The following RSBN1L variants were observed in gnomAD, a reference collection of about 807,000 sequenced individuals.
RSBN1L encodes the protein round spermatid basic protein 1 like, also known as lysine-specific demethylase RSBN1L.
RSBN1L carries 30 observed loss-of-function variants against 67.7 expected under a neutral mutation model. That is an observed-to-expected ratio of 0.44 (90% CI 0.33 to 0.60). The LOEUF (loss-of-function observed/expected upper bound fraction) is 0.60, where lower values mean the gene tolerates loss of function less well. RSBN1L is among the 20% of genes least tolerant of loss of function. The pLI, the probability that RSBN1L is intolerant of heterozygous loss-of-function variation, is 0.02. For missense variants in RSBN1L, 992 were observed against 1,031.7 expected (o/e 0.96, Z 0.53); for synonymous variants, 433 against 387.0 (o/e 1.12, Z -1.39).
intron 6 of RSBN1L, among the ~76,000 whole-genome samples, chr7:77,777,584 C>G (rs1791934375): frequency 6.6e-6 from 1 of 151,740 alleles, no homozygotes; most frequent in Non-Finnish European, 1.5e-5. Flanking sequence ...TTTGATAAGT[C>G]TATGGTCAGT....
intron 1 of RSBN1L, among the ~76,000 whole-genome samples, chr7:77,710,658 C>G (rs1029813391): frequency 6.6e-6 from 1 of 151,922 alleles, no homozygotes; most frequent in East Asian, 1.9e-4. Flanking sequence ...TGTAGTGGCG[C>G]GATCTTGGCT....
intron 3 of RSBN1L, among the ~76,000 whole-genome samples, chr7:77,755,254 T>G (rs1348746262): frequency 6.6e-6 from 1 of 152,236 alleles, no homozygotes; most frequent in African/African-American, 2.4e-5. Context: ...GAATCAAACT[T>G]GTTGATTTGG....
At chr7:77,698,033 T>C (rs1448699342) in intron 1 of RSBN1L, among the ~76,000 whole-genome samples, 2 of 146,470 alleles carry the variant, frequency 1.4e-5, no homozygotes, top group Non-Finnish European at 2.9e-5. Context: ...CAAATAACTC[T>C]TTTTGTTTTT....
intron 2 of RSBN1L, among the ~76,000 whole-genome samples, chr7:77,739,853 A>C (rs1305184994): frequency 7.9e-6 from 1 of 125,932 alleles, no homozygotes; most frequent in African/African-American, 3.1e-5. Flanking sequence ...GGGTTCAAGC[A>C]GTTTTCCTGC....
chr7:77,709,172 G>GTGTGTGTT (rs1790934477), intron 1 of RSBN1L, among the ~76,000 whole-genome samples: 1 of 124,408 alleles, frequency 8.0e-6, no homozygotes, highest in African/African-American at 3.6e-5. Flanking sequence ...GTGTGTGTGT[G>GTGTGTGTT]TGTGTGTGTG....
At chr7:77,768,013 G>C (rs1387790357) in intron 4 of RSBN1L, among the ~76,000 whole-genome samples, 4 of 150,710 alleles carry the variant, frequency 2.7e-5, no homozygotes. Flanking sequence ...ACCATGCCCA[G>C]CTAATTTTTG....
chr7:77,729,979 T>G (rs1791253485), intron 1 of RSBN1L, among the ~76,000 whole-genome samples: 1 of 152,156 alleles, frequency 6.6e-6, no homozygotes, highest in Non-Finnish European at 1.5e-5. Flanking sequence ...TTAATGAGTT[T>G]CTTTTTTATA....
intron 2 of RSBN1L, among the ~76,000 whole-genome samples, chr7:77,740,709 A>C (rs550489517): frequency 6.6e-6 from 1 of 152,192 alleles, no homozygotes; most frequent in East Asian, 1.9e-4. Context: ...GTGATCTTAA[A>C]AGTTTTTTTT....
chr7:77,768,049 G>T (rs948082142), intron 4 of RSBN1L, among the ~76,000 whole-genome samples: 1 of 150,348 alleles, frequency 6.7e-6, no homozygotes, highest in Non-Finnish European at 1.5e-5. Context: ...GGGTTTCACC[G>T]TGCTGGCCAG....
intron 1 of RSBN1L, among the ~76,000 whole-genome samples, chr7:77,703,944 C>T (rs972686181): frequency 4.6e-5 from 7 of 152,110 alleles, no homozygotes; most frequent in South Asian, 4.1e-4. Context: ...TGTGCAACCA[C>T]GCCCCGATAC....
chr7:77,768,827 T>C, intron 5 of RSBN1L, 24 bp downstream of exon 5: 2 of 1,609,604 alleles, frequency 1.2e-6, no homozygotes, highest in Non-Finnish European at 1.7e-6. Flanking sequence ...ACATTTTTAT[T>C]GGAGGGGATG....
Position 77,696,697 on chromosome 7 carries a change from G to A in RSBN1L, c.228G>A (p.Ser76=), listed in dbSNP as rs751612900. Residue 76 remains serine (S), a synonymous_variant, in exon 1 of 8, where the codon TCG becomes TCA. Coordinates refer to ENST00000334955, the MANE Select transcript of RSBN1L (RefSeq NM_198467.3). The part of the protein sequence containing the change: ...SRQLQPPAAP[S]PQSYGSPASW... ...AGCTGCAGCCGCCGGCAGCACCTTC[G>A]CCTCAGAGCTATGGCAGCCCCGCGT... The A allele has an allele frequency of 7.4e-6, 12 of 1,612,760 alleles. No homozygotes were observed. The highest frequency in any genetic ancestry group is 9.3e-6 in the Non-Finnish European group (11 of 1,179,386).
At chr7:77,730,444 T>A (rs1791259115) in intron 1 of RSBN1L, among the ~76,000 whole-genome samples, 1 of 152,242 alleles carries the variant, frequency 6.6e-6, no homozygotes, top group South Asian at 2.1e-4. Context: ...GGAGTCACTC[T>A]TGGTGTTATA....
intron 1 of RSBN1L, among the ~76,000 whole-genome samples, chr7:77,720,763 C>CTTTTTTTTTTTTTTT (rs34070122): frequency 3.8e-5 from 4 of 104,368 alleles, no homozygotes; most frequent in Non-Finnish European, 5.6e-5. Flanking sequence ...TTTTCTTTTT[C>CTTTTTTTTTTTTTTT]TTTTTTTTTT....
intron 4 of RSBN1L, among the ~76,000 whole-genome samples, chr7:77,767,726 GCCTCC>G (rs137883473): frequency 0.1 from 9,003 of 89,808 alleles, 917 homozygotes; most frequent in African/African-American, 0.18. Flanking sequence ...CTCTCGCCTC[GCCTCC>G]CCTCCCCTCC....
chr7:77,774,042 T>C (rs1791880217), intron 6 of RSBN1L, among the ~76,000 whole-genome samples: 1 of 152,230 alleles, frequency 6.6e-6, no homozygotes. Flanking sequence ...TGAGACTGAT[T>C]TCAATCTGAT....
intron 2 of RSBN1L, among the ~76,000 whole-genome samples, chr7:77,746,289 A>T (rs370387230): frequency 6.6e-6 from 1 of 152,132 alleles, no homozygotes; most frequent in East Asian, 1.9e-4. Flanking sequence ...GAAACTTTCA[A>T]TTATGGTGGA....
chr7:77,702,904 G>T (rs1322325748), intron 1 of RSBN1L, among the ~76,000 whole-genome samples: 1 of 152,090 alleles, frequency 6.6e-6, no homozygotes, highest in East Asian at 1.9e-4. Flanking sequence ...GATTGGGACT[G>T]TGCCCTTTGA....
At chr7:77,765,789 TGGAG>T (rs896466128) in intron 4 of RSBN1L, among the ~76,000 whole-genome samples, 157 bp downstream of exon 4, 39 of 152,304 alleles carry the variant, frequency 2.6e-4, no homozygotes, top group African/African-American at 7.9e-4. Flanking sequence ...TTATTTGAAC[TGGAG>T]GGAAGGAGAG....
Sources: allele counts gnomAD v4.1 joint callset (sites outside exome capture counted in the v4.1 genomes callset), GRCh38; gene constraint gnomAD v4.1.1; transcripts MANE v1.5; gene names NCBI Gene and HGNC (gene_info 2026-07-23, HGNC 2026-07-21).